The following KCNH7 variants were observed in gnomAD, a reference collection of about 807,000 sequenced individuals.
KCNH7 encodes the protein voltage-gated inwardly rectifying potassium channel KCNH7.
In KCNH7, 49 loss-of-function variants were observed where a neutral mutation model predicts 120.8. The observed-to-expected ratio is 0.41, with a 90% CI of 0.32 to 0.51. The LOEUF is 0.51. KCNH7 is among the 20% of genes least tolerant of loss of function. The pLI, the probability that KCNH7 is intolerant of heterozygous loss-of-function variation, is 0.38. For synonymous variants in KCNH7, 547 were observed against 516.1 expected (o/e 1.06, Z -0.81); for missense variants, 1,097 against 1,446.6 (o/e 0.76, Z 3.92).
intron 2 of KCNH7, among the ~76,000 whole-genome samples, chr2:162,675,690 G>A (rs1685510688): frequency 6.6e-6 from 1 of 151,394 alleles, no homozygotes; most frequent in Admixed American, 6.6e-5. Flanking sequence ...ATGGTTTACT[G>A]ATATCTTATT....
chr2:162,635,731 T>C (rs1683931591), intron 2 of KCNH7, among the ~76,000 whole-genome samples: 1 of 152,122 alleles, frequency 6.6e-6, no homozygotes, highest in African/African-American at 2.4e-5. Flanking sequence ...TTGTGCAAAA[T>C]GACCACTGAC....
chr2:162,436,976 G>A (rs1417529532), intron 7 of KCNH7, among the ~76,000 whole-genome samples: 1 of 151,914 alleles, frequency 6.6e-6, no homozygotes, highest in African/African-American at 2.4e-5. Context: ...AAATAAATTA[G>A]CTGGGTATGG....
rs150793404 is a variant in KCNH7 at position 162,629,357 on chromosome 2, G to A, written c.308-92277C>T. 2.2e-3 allele frequency among the ~76,000 whole-genome samples: 338 copies of A among 152,080 alleles called. 1 individual carries two copies. Among genetic ancestry groups the A allele is most frequent in the Middle Eastern group, 0.01 (3 of 294 alleles). ...CATTGCCATTTCTTCCCCCACCATCGCTGTCAGAGGAAATGTAAATGTAGG... is the reference window on the plus strand; with the variant it reads ...CATTGCCATTTCTTCCCCCACCATCACTGTCAGAGGAAATGTAAATGTAGG... On this transcript the variant is annotated intron_variant, in intron 2 of 15. Transcript: ENST00000332142.
chr2:162,739,964 AC>A (rs1250344689), intron 2 of KCNH7, among the ~76,000 whole-genome samples: 1 of 152,154 alleles, frequency 6.6e-6, no homozygotes, highest in Non-Finnish European at 1.5e-5. Flanking sequence ...GATTGCAGAA[AC>A]TAATCCAAAT....
At chr2:162,622,302 C>T (rs561098563) in intron 2 of KCNH7, among the ~76,000 whole-genome samples, 25 of 152,258 alleles carry the variant, frequency 1.6e-4, no homozygotes, top group African/African-American at 6.0e-4. Flanking sequence ...GGAGGCTTCG[C>T]TTTTGCGAGC....
At chr2:162,439,026 T>C (rs1688342290) in intron 7 of KCNH7, among the ~76,000 whole-genome samples, 1 of 152,234 alleles carries the variant, frequency 6.6e-6, no homozygotes, top group Middle Eastern at 3.4e-3. Context: ...GACCAACAAC[T>C]ACTCTATTAT....
intron 3 of KCNH7, among the ~76,000 whole-genome samples, chr2:162,525,458 A>G (rs1379904863): frequency 6.6e-6 from 1 of 151,954 alleles, no homozygotes; most frequent in African/African-American, 2.4e-5. Flanking sequence ...AGACAGGACA[A>G]GATGGTGGAC....
chr2:162,788,282 A>G (rs571615829), intron 2 of KCNH7, among the ~76,000 whole-genome samples: 1 of 152,348 alleles, frequency 6.6e-6, no homozygotes, highest in South Asian at 2.1e-4. Flanking sequence ...TTACCAGGAC[A>G]TAACCCCATC....
chr2:162,719,747 A>G (rs78800052), intron 2 of KCNH7, among the ~76,000 whole-genome samples: 151 of 152,192 alleles, frequency 9.9e-4, no homozygotes, highest in African/African-American at 3.4e-3. Context: ...ATTTTCAATC[A>G]ACATCCTCAG....
At chr2:162,643,612 T>C (rs1574211422) in intron 2 of KCNH7, among the ~76,000 whole-genome samples, 1 of 151,578 alleles carries the variant, frequency 6.6e-6, no homozygotes, top group African/African-American at 2.4e-5. Context: ...ATCAAGACCA[T>C]CCTGGCCAAC....
At chr2:162,475,999 A>T (rs923184363) in intron 6 of KCNH7, among the ~76,000 whole-genome samples, 2 of 152,212 alleles carry the variant, frequency 1.3e-5, no homozygotes, top group Non-Finnish European at 2.9e-5. Flanking sequence ...TCAACCTGGA[A>T]TACATTAACC....
In KCNH7 at chr2:162,659,343, CTT is replaced by C. The variant is rs35576044; in HGVS notation, c.308-122265_308-122264del. On this transcript the variant is annotated intron_variant, in intron 2 of 15. Coordinates refer to ENST00000332142, the MANE Select transcript of KCNH7 (RefSeq NM_033272.4). ...GTCTACTTGATAGTGGCATATAATT[CTT>C]TTTTTTTTTTTTTTGAGACTCAGTC... Among the ~76,000 whole-genome samples, 941 of 138,284 alleles carry C rather than the reference CTT, an allele frequency of 6.8e-3. 11 individuals are homozygous for C. The highest frequency in any genetic ancestry group is 0.023 in the African/African-American group (871 of 37,892). The allele number at this position is 138,284 out of a possible 152,430, so 90.7% of individuals were successfully genotyped here.
intron 6 of KCNH7, among the ~76,000 whole-genome samples, chr2:162,483,382 ATTTTGC>A (rs1689991410): frequency 6.6e-6 from 1 of 152,100 alleles, no homozygotes; most frequent in Admixed American, 6.6e-5. Context: ...GTATTTCCAT[ATTTTGC>A]TACATGGTCT....
chr2:162,702,743 G>A (rs1415752955), intron 2 of KCNH7, among the ~76,000 whole-genome samples: 1 of 151,934 alleles, frequency 6.6e-6, no homozygotes, highest in Non-Finnish European at 1.5e-5. Flanking sequence ...CTTTGTTCTT[G>A]GGGATCCTTC....
In KCNH7 at chr2:162,581,062, G is replaced by A. The variant is rs973444916; in HGVS notation, c.308-43982C>T. On this transcript the variant is annotated intron_variant, in intron 2 of 15. Coordinates refer to ENST00000332142, the MANE Select transcript of KCNH7 (RefSeq NM_033272.4). ...TCAGAGAGAGGCTATACAGCAACACGATTTTCCAAAGTTTTGAAGAATGGA... is the reference window on the plus strand; with the variant it reads ...TCAGAGAGAGGCTATACAGCAACACAATTTTCCAAAGTTTTGAAGAATGGA... Among the ~76,000 whole-genome samples, 13 of 152,014 alleles carry A rather than the reference G, an allele frequency of 8.6e-5. 1 individual carries two copies. The highest frequency in any genetic ancestry group is 6.6e-5 in the Admixed American group (1 of 15,236).
chr2:162,541,136 A>G (rs1184301596), intron 2 of KCNH7, among the ~76,000 whole-genome samples: 1 of 152,072 alleles, frequency 6.6e-6, no homozygotes, highest in African/African-American at 2.4e-5. Flanking sequence ...GCAATTGTTT[A>G]TTAGATATCT....
intron 6 of KCNH7, among the ~76,000 whole-genome samples, chr2:162,491,070 C>T (rs932197891): frequency 6.6e-6 from 1 of 152,108 alleles, no homozygotes; most frequent in Admixed American, 6.5e-5. Context: ...TTCCCGGGTA[C>T]CAAGGCAATC....
intron 14 of KCNH7, among the ~76,000 whole-genome samples, chr2:162,377,647 TAG>T (rs1297133007): frequency 6.6e-6 from 1 of 152,138 alleles, no homozygotes; most frequent in African/African-American, 2.4e-5. Flanking sequence ...GTGGATCTTA[TAG>T]AGTCTTTGTG....
intron 2 of KCNH7, among the ~76,000 whole-genome samples, chr2:162,580,976 T>A: frequency 6.6e-6 from 1 of 152,020 alleles, no homozygotes; most frequent in Non-Finnish European, 1.5e-5. Context: ...AAAAATATAT[T>A]AGCTGCACAC....
Sources: gnomAD v4.1 joint callset for allele counts (sites outside exome capture counted in the v4.1 genomes callset) on GRCh38, gnomAD v4.1.1 for gene constraint, MANE v1.5 for transcripts, NCBI Gene and HGNC (gene_info 2026-07-23, HGNC 2026-07-21) for gene names.